LIN28B: variants seen among roughly 807,000 people sequenced by gnomAD.
The protein encoded by LIN28B is lin-28 RNA binding posttranscriptional regulator B, also known as protein lin-28 homolog B.
A neutral mutation model predicts 21.9 loss-of-function variants in LIN28B; 5 were observed. The observed-to-expected ratio is 0.23, with a 90% CI of 0.12 to 0.48. The LOEUF (loss-of-function observed/expected upper bound fraction) is 0.48. LIN28B is among the 20% of genes least tolerant of loss of function. The pLI is 0.98. For synonymous variants in LIN28B, 109 were observed against 111.3 expected, an observed-to-expected ratio of 0.98 and a Z score of 0.13; for missense variants, 245 against 310.5, an observed-to-expected ratio of 0.79 and a Z score of 1.58.
At chr6:105,043,005 G>C (rs185709376) in intron 3 of LIN28B, among the ~76,000 whole-genome samples, 1 of 152,304 alleles carries the variant, frequency 6.6e-6, no homozygotes, top group Non-Finnish European at 1.5e-5. Context: ...AAGGATGGAA[G>C]ACCAAGGAAA....
intron 2 of LIN28B, among the ~76,000 whole-genome samples, chr6:104,972,886 G>A (rs1770007231): frequency 2.0e-5 from 3 of 152,038 alleles, no homozygotes; most frequent in Non-Finnish European, 2.9e-5. Flanking sequence ...TGAGGTGGGC[G>A]GATCACCTGA....
intron 2 of LIN28B, among the ~76,000 whole-genome samples, chr6:105,008,905 C>A (rs1282604368): frequency 6.6e-6 from 1 of 152,148 alleles, no homozygotes; most frequent in Non-Finnish European, 1.5e-5. Flanking sequence ...TTCACACATA[C>A]AGTGACATTC....
chr6:104,959,496 G>C (rs1247439710), intron 2 of LIN28B, among the ~76,000 whole-genome samples: 1 of 152,100 alleles, frequency 6.6e-6, no homozygotes, highest in Non-Finnish European at 1.5e-5. Flanking sequence ...ATTCTGTTTT[G>C]ATCTGTTGTC....
chr6:105,061,047 A>T (rs1149283), intron 3 of LIN28B, among the ~76,000 whole-genome samples: 1,535 of 152,338 alleles, frequency 0.01, 19 homozygotes, highest in African/African-American at 0.035. Context: ...TAATATTCTG[A>T]AAACCAGATG....
chr6:104,960,882 T>C (rs1446344391), intron 2 of LIN28B, among the ~76,000 whole-genome samples: 2 of 152,164 alleles, frequency 1.3e-5, no homozygotes, highest in Non-Finnish European at 2.9e-5. Flanking sequence ...ACTTAAAATT[T>C]ATTGGCAGTA....
intron 3 of LIN28B, among the ~76,000 whole-genome samples, chr6:105,032,428 A>G (rs147346573): frequency 1.5e-3 from 236 of 152,262 alleles, no homozygotes; most frequent in African/African-American, 5.3e-3. Context: ...GGTATTGCCA[A>G]TTTTTAAAAA....
chr6:104,963,142 G>A (rs1160834181), intron 2 of LIN28B, among the ~76,000 whole-genome samples: 1 of 152,142 alleles, frequency 6.6e-6, no homozygotes, highest in Non-Finnish European at 1.5e-5. Flanking sequence ...CGCCTTCCGG[G>A]TTCACGCCAT....
intron 2 of LIN28B, among the ~76,000 whole-genome samples, chr6:104,974,394 C>T (rs190104514): frequency 8.0e-4 from 119 of 148,394 alleles, no homozygotes; most frequent in African/African-American, 2.8e-3. Flanking sequence ...GAGGCTGAGG[C>T]AGAAGAATCG....
intron 2 of LIN28B, among the ~76,000 whole-genome samples, chr6:104,974,696 A>G (rs1770049879): frequency 6.6e-6 from 1 of 151,956 alleles, no homozygotes; most frequent in Admixed American, 6.6e-5. Context: ...CTAGTTTGAA[A>G]AACTTACACA....
intron 2 of LIN28B, among the ~76,000 whole-genome samples, chr6:104,992,698 T>C (rs191368222): frequency 5.9e-5 from 9 of 152,026 alleles, no homozygotes; most frequent in Admixed American, 2.6e-4. Flanking sequence ...TTTGTAGAGA[T>C]GGGATCTCTC....
intron 3 of LIN28B, among the ~76,000 whole-genome samples, chr6:105,060,940 T>C (rs1273959569): frequency 6.6e-6 from 1 of 151,910 alleles, no homozygotes; most frequent in African/African-American, 2.4e-5. Flanking sequence ...CAAAAGGGAG[T>C]TGGTAGACAA....
intron 3 of LIN28B, among the ~76,000 whole-genome samples, chr6:105,047,028 C>T (rs1771783816): frequency 6.6e-6 from 1 of 152,116 alleles, no homozygotes; most frequent in Non-Finnish European, 1.5e-5. Flanking sequence ...TTAATTAGAT[C>T]CCATTTGTCA....
intron 3 of LIN28B, chr6:105,045,787 C>T (rs1771747459): frequency 6.6e-6 from 1 of 152,142 alleles, no homozygotes; most frequent in Admixed American, 6.5e-5. Context: ...CATGGTTAGG[C>T]TGCTTTTCAA....
chr6:105,024,017 C>G (rs934817246), intron 2 of LIN28B, among the ~76,000 whole-genome samples: 27 of 151,832 alleles, frequency 1.8e-4, no homozygotes, highest in Admixed American at 3.3e-4. Context: ...GGTTTCCACT[C>G]CATTGCCCAG....
chr6:104,985,578 CCTT>C lies in LIN28B; in HGVS notation c.198+27297_198+27299del, dbSNP rs576881548. 6.4e-4 allele frequency among the ~76,000 whole-genome samples: 98 copies of C among 152,038 alleles called. 1 individual carries two copies. Among genetic ancestry groups the C allele is most frequent in the Middle Eastern group, 3.4e-3 (1 of 294 alleles). ...CTCAATATGTGACTTGCCTTTTTTA[CCTT>C]CTTCATAGTTTCTTTGGATGAACAG... On this transcript the variant is annotated intron_variant, in intron 2 of 3. Coordinates refer to ENST00000345080, the MANE Select transcript of LIN28B (RefSeq NM_001004317.4).
At chr6:105,063,391 T>C (rs1292532739) in intron 3 of LIN28B, among the ~76,000 whole-genome samples, 1 of 152,198 alleles carries the variant, frequency 6.6e-6, no homozygotes, top group Non-Finnish European at 1.5e-5. Flanking sequence ...GGCAATACTT[T>C]AAGCAAGGCC....
At chr6:105,029,692 G>A (rs138830145) in intron 3 of LIN28B, among the ~76,000 whole-genome samples, 123 of 152,286 alleles carry the variant, frequency 8.1e-4, no homozygotes, top group African/African-American at 2.8e-3. Flanking sequence ...AGAATAGTGG[G>A]TACGAATTTA....
chr6:105,019,103 A>C (rs1305951269), intron 2 of LIN28B, among the ~76,000 whole-genome samples: 1 of 151,532 alleles, frequency 6.6e-6, no homozygotes, highest in African/African-American at 2.4e-5. Flanking sequence ...CCGCCACCAC[A>C]CCCAGCTAAT....
At chr6:105,049,596 G>A (rs1223644277) in intron 3 of LIN28B, among the ~76,000 whole-genome samples, 8 of 152,170 alleles carry the variant, frequency 5.3e-5, no homozygotes, top group Admixed American at 5.2e-4. Context: ...AATGTGGACA[G>A]TGGGGTGTTA....
Sources: allele counts gnomAD v4.1 joint callset (sites outside exome capture counted in the v4.1 genomes callset), GRCh38; gene constraint gnomAD v4.1.1; transcripts MANE v1.5; gene names NCBI Gene and HGNC (gene_info 2026-07-23, HGNC 2026-07-21).